Variants in DACH2 observed in about 807,000 individuals in gnomAD.
DACH2 encodes dachshund homolog 2.
DACH2 carries 17 observed loss-of-function variants against 35.8 expected under a neutral mutation model. The ratio of observed to expected loss-of-function variants is 0.48; its 90% CI spans 0.33 to 0.71. The LOEUF (loss-of-function observed/expected upper bound fraction) is 0.71. Among genes scored for constraint, DACH2 ranks in the 30% least tolerant of loss-of-function variants. DACH2 has a pLI of 0.02. For missense variants in DACH2, 469 were observed against 472.7 expected, an observed-to-expected ratio of 0.99 and a Z score of 0.07; for synonymous variants, 195 against 177.3, an observed-to-expected ratio of 1.10 and a Z score of -0.79.
chrX:86,390,153 C>A (rs1156291822), intron 2 of DACH2, among the ~76,000 whole-genome samples: 2 of 111,365 alleles, frequency 1.8e-5, no homozygotes, highest in African/African-American at 6.6e-5. Flanking sequence ...TTGGAATCAC[C>A]TGACAAAATA....
intron 1 of DACH2, among the ~76,000 whole-genome samples, chrX:86,156,817 GGA>G (rs1455754325): frequency 9.0e-6 from 1 of 111,176 alleles, no homozygotes; most frequent in Non-Finnish European, 1.9e-5. Context: ...GTTGGTAAAA[GGA>G]GGGTTTTCCT....
At chrX:86,389,714 G>A (rs1294347765) in intron 2 of DACH2, among the ~76,000 whole-genome samples, 1 of 111,898 alleles carries the variant, frequency 8.9e-6, no homozygotes, top group Non-Finnish European at 1.9e-5. Context: ...CTCATGCTTA[G>A]AAATATATTT....
At chrX:86,697,933 G>T (rs764160285) in intron 5 of DACH2, among the ~76,000 whole-genome samples, 2 of 111,568 alleles carry the variant, frequency 1.8e-5, no homozygotes, top group Admixed American at 1.9e-4. Flanking sequence ...CAATGACTGA[G>T]AGTTTTCCAA....
chrX:86,449,662 A>G (rs148408231), intron 2 of DACH2, among the ~76,000 whole-genome samples: 223 of 111,105 alleles, frequency 2.0e-3, no homozygotes, highest in African/African-American at 7.0e-3. Flanking sequence ...TATTTATTAC[A>G]AGATTTTGCT....
intron 1 of DACH2, among the ~76,000 whole-genome samples, chrX:86,235,290 T>G (rs752509335): frequency 8.9e-6 from 1 of 112,286 alleles, no homozygotes; most frequent in Non-Finnish European, 1.9e-5. Flanking sequence ...TTTTAAATCT[T>G]TGGTTTACCT....
At chrX:86,310,452 G>A (rs1445614273) in intron 1 of DACH2, among the ~76,000 whole-genome samples, 1 of 111,238 alleles carries the variant, frequency 9.0e-6, no homozygotes, top group Non-Finnish European at 1.9e-5. Flanking sequence ...GAGAAGACTA[G>A]GGCCTGGTTC....
chrX:86,388,814 G>T (rs2036159199), intron 2 of DACH2, among the ~76,000 whole-genome samples: 2 of 111,336 alleles, frequency 1.8e-5, no homozygotes, highest in South Asian at 7.5e-4. Context: ...ACTCTGTATG[G>T]GATAATGGTG....
chrX:86,212,912 C>T (rs1312701970), intron 1 of DACH2, among the ~76,000 whole-genome samples: 2 of 111,179 alleles, frequency 1.8e-5, no homozygotes, highest in Non-Finnish European at 3.8e-5. Context: ...TCAGTGCCTT[C>T]CTCGAAGCAT....
At chrX:86,317,174 T>C (rs1439292286) in intron 1 of DACH2, among the ~76,000 whole-genome samples, 1 of 110,005 alleles carries the variant, frequency 9.1e-6, no homozygotes, top group African/African-American at 3.3e-5. Flanking sequence ...ACTACCATTA[T>C]TAGCGGGGGC....
chrX:86,698,923 T>C (rs1425643464), intron 5 of DACH2, among the ~76,000 whole-genome samples: 1 of 110,115 alleles, frequency 9.1e-6, no homozygotes. Context: ...TTATATCAGA[T>C]AAAACAGACT....
At chrX:86,690,161 T>G (rs775259030) in intron 4 of DACH2, among the ~76,000 whole-genome samples, 1 of 112,083 alleles carries the variant, frequency 8.9e-6, no homozygotes, top group Non-Finnish European at 1.9e-5. Context: ...AGGTGAAGAA[T>G]GATTGCTTGG....
intron 1 of DACH2, among the ~76,000 whole-genome samples, chrX:86,223,671 G>A (rs2032761930): frequency 9.0e-6 from 1 of 111,709 alleles, no homozygotes; most frequent in African/African-American, 3.2e-5. Flanking sequence ...TTATGATGAC[G>A]AGCTTATCAT....
chrX:86,587,767 T>C (rs2039593129), intron 3 of DACH2, among the ~76,000 whole-genome samples: 1 of 111,949 alleles, frequency 8.9e-6, no homozygotes, highest in East Asian at 2.8e-4. Flanking sequence ...ATTAGGGATA[T>C]TAAACCTTTA....
At position 86,479,881 on chromosome X, in the gene DACH2, G is replaced by A. The variant is rs139403090; in HGVS notation, c.528-34398G>A. Among the ~76,000 whole-genome samples the A allele has an allele frequency of 3.7e-3, 419 of 112,018 alleles. 2 individuals carry two copies. Among genetic ancestry groups the A allele is most frequent in the African/African-American group, 0.013 (403 of 30,853 alleles). On this transcript the variant is annotated intron_variant, in intron 2 of 11. Transcript: ENST00000373125. ...ATAAAATTGTGAATTCCTTCTCTGC[G>A]TTATCTTAAATTTCTATGAGTTTCC... is the stretch of plus-strand genomic sequence containing the variant.
chrX:86,401,717 CAAAAAA>C (rs762581376), intron 2 of DACH2, among the ~76,000 whole-genome samples: 1 of 52,552 alleles, frequency 1.9e-5, no homozygotes, highest in African/African-American at 6.0e-5. Flanking sequence ...GAGACAGTGA[CAAAAAA>C]AAAAAGAAAA....
chrX:86,610,925 A>G (rs899670671), intron 3 of DACH2, among the ~76,000 whole-genome samples: 9 of 110,941 alleles, frequency 8.1e-5, no homozygotes, highest in African/African-American at 3.0e-4. Context: ...TAAGCTGGTG[A>G]CTATAGTTCA....
chrX:86,610,347 CTTCCTTCCTTCCTTCCTCTTTCTTTCTT>C (rs2039915189), intron 3 of DACH2, among the ~76,000 whole-genome samples: 1 of 99,304 alleles, frequency 1.0e-5, no homozygotes, highest in Non-Finnish European at 2.1e-5. Flanking sequence ...TTTCTTTCTC[CTTCCTTCCTTCCTTCCTCTTTCTTTCTT>C]TCTTTCTTTC....
intron 1 of DACH2, among the ~76,000 whole-genome samples, chrX:86,285,104 G>A (rs1212938952): frequency 1.8e-5 from 2 of 111,228 alleles, no homozygotes; most frequent in Non-Finnish European, 3.8e-5. Context: ...CTTATGGTTT[G>A]TCAATTTTAA....
At chrX:86,791,018 T>A (rs1323869164) in intron 7 of DACH2, among the ~76,000 whole-genome samples, 1 of 111,841 alleles carries the variant, frequency 8.9e-6, no homozygotes, top group Non-Finnish European at 1.9e-5. Flanking sequence ...AAGCAAATTA[T>A]AAGGAACAGA....
Sources: gnomAD v4.1 joint callset for allele counts (sites outside exome capture counted in the v4.1 genomes callset) on GRCh38, gnomAD v4.1.1 for gene constraint, MANE v1.5 for transcripts, NCBI Gene and HGNC (gene_info 2026-07-23, HGNC 2026-07-21) for gene names.